RIN3: variants seen among roughly 807,000 people sequenced by gnomAD.
RIN3 encodes the protein RAB5 interacting protein 3.
In RIN3, 54 loss-of-function variants were observed where a neutral mutation model predicts 76.3. That is an observed-to-expected ratio of 0.71 (90% CI 0.57 to 0.89). The LOEUF is 0.89. Among genes scored for constraint, RIN3 ranks in the 40% least tolerant of loss-of-function variants. The pLI, the probability that RIN3 is intolerant of heterozygous loss-of-function variation, is 0.00. For missense variants in RIN3, 1,256 were observed against 1,322.1 expected, an observed-to-expected ratio of 0.95 and a Z score of 0.78; for synonymous variants, 576 against 564.0, an observed-to-expected ratio of 1.02 and a Z score of -0.30.
intron 4 of RIN3, among the ~76,000 whole-genome samples, chr14:92,622,079 A>G (rs563874483): frequency 6.6e-5 from 10 of 152,074 alleles, no homozygotes; most frequent in African/African-American, 2.4e-4. Context: ...AGTGGGATCC[A>G]TGCAACACCA....
intron 3 of RIN3, among the ~76,000 whole-genome samples, chr14:92,578,168 T>G (rs1595430597): frequency 6.9e-6 from 1 of 145,496 alleles, no homozygotes; most frequent in African/African-American, 2.6e-5. Context: ...CCAGGGAGAG[T>G]GAGGCTGCAG....
chr14:92,659,486 GA>G lies in RIN3; in HGVS notation c.2335+18del. 6.3e-7 allele frequency: 1 copy of G among 1,579,338 alleles called. No homozygotes were observed. Among genetic ancestry groups the G allele is most frequent in the South Asian group, 1.2e-5 (1 of 84,600 alleles). ...GCAACCCAGGTCAGTGGGCAGCCGGGAGGGGTCTGGGTGAGGAGCTCTCTTT... is the reference window on the plus strand; with the variant it reads ...GCAACCCAGGTCAGTGGGCAGCCGGGGGGGTCTGGGTGAGGAGCTCTCTTT... On this transcript the variant is annotated intron_variant, in intron 7 of 9. Transcript: ENST00000216487.
intron 8 of RIN3, among the ~76,000 whole-genome samples, chr14:92,680,107 C>CT (rs562703093): frequency 7.7e-4 from 117 of 152,146 alleles, no homozygotes; most frequent in African/African-American, 1.9e-3. Flanking sequence ...CCAGCAGACT[C>CT]AGTGTCTGGT....
chr14:92,545,698 C>T (rs1164305099), intron 1 of RIN3, among the ~76,000 whole-genome samples: 1 of 151,240 alleles, frequency 6.6e-6, no homozygotes, highest in African/African-American at 2.4e-5. Context: ...CCTCCCACCT[C>T]AGCCTCCTGA....
intron 3 of RIN3, among the ~76,000 whole-genome samples, chr14:92,610,579 C>T (rs1885696733): frequency 6.6e-6 from 1 of 152,170 alleles, no homozygotes; most frequent in Admixed American, 6.5e-5. Context: ...CCCTGATGGG[C>T]ATTTTGGGCA....
intron 2 of RIN3, among the ~76,000 whole-genome samples, chr14:92,559,562 A>G (rs140792730): frequency 5.3e-5 from 8 of 152,352 alleles, no homozygotes; most frequent in African/African-American, 1.9e-4. Flanking sequence ...CCATGCACCA[A>G]TATGAACCGT....
intron 6 of RIN3, 103 bp from the exon 7 acceptor site, chr14:92,659,058 C>T (rs1011432756): frequency 9.1e-7 from 1 of 1,096,086 alleles, no homozygotes. Context: ...AGTGTCCTTC[C>T]AGGGGCCAGG....
intron 1 of RIN3, among the ~76,000 whole-genome samples, chr14:92,539,809 C>T (rs1324304117): frequency 6.6e-6 from 1 of 152,124 alleles, no homozygotes; most frequent in Non-Finnish European, 1.5e-5. Flanking sequence ...TTTGCAAGAG[C>T]AGAGCCCAAG....
intron 1 of RIN3, among the ~76,000 whole-genome samples, chr14:92,517,825 G>C (rs1896483538): frequency 6.6e-6 from 1 of 152,206 alleles, no homozygotes; most frequent in South Asian, 2.1e-4. Context: ...CCTTCTGGTG[G>C]TTTGGTTGTT....
chr14:92,555,569 G>C (rs575809655), intron 1 of RIN3, among the ~76,000 whole-genome samples, 182 bp from the exon 2 acceptor site: 3 of 152,066 alleles, frequency 2.0e-5, no homozygotes, highest in Non-Finnish European at 2.9e-5. Flanking sequence ...GTGGGCTGAC[G>C]TGTGTTTCCT....
chr14:92,670,052 G>A (rs1161763052), intron 7 of RIN3, among the ~76,000 whole-genome samples: 1 of 145,340 alleles, frequency 6.9e-6, no homozygotes, highest in African/African-American at 2.6e-5. Flanking sequence ...CATGCCACCA[G>A]ACCCAGCTGA....
At chr14:92,606,806 T>C (rs1416099738) in intron 3 of RIN3, among the ~76,000 whole-genome samples, 1 of 152,170 alleles carries the variant, frequency 6.6e-6, no homozygotes, top group Non-Finnish European at 1.5e-5. Context: ...GGTGGGAATA[T>C]AAAATGGTGC....
rs1896360873 is a variant in RIN3, at chr14:92,513,902, CT to C, written c.-30del. On this transcript the variant is annotated 5_prime_UTR_variant, in exon 1 of 10. Transcript: ENST00000216487. ...TCCGCGCGGCCCGGCGCCTGAGCGC[CT>C]CCGTTCCCCGTCCCGGAGCTGCCGG... 2 of 1,254,336 alleles carry C rather than the reference CT, an allele frequency of 1.6e-6. No individual in the cohort carries two copies. Among genetic ancestry groups the C allele is most frequent in the Non-Finnish European group, 1.0e-6 (1 of 999,408 alleles). The allele number at this position is 1,254,336 out of a possible 1,614,324, so 77.7% of individuals were successfully genotyped here.
chr14:92,667,835 A>G (rs1193249633), intron 7 of RIN3, among the ~76,000 whole-genome samples: 1 of 151,986 alleles, frequency 6.6e-6, no homozygotes, highest in Non-Finnish European at 1.5e-5. Flanking sequence ...AAGACTTCCT[A>G]GGTCTCCCTA....
At chr14:92,678,959 C>G (rs1214497645) in intron 8 of RIN3, among the ~76,000 whole-genome samples, 1 of 152,200 alleles carries the variant, frequency 6.6e-6, no homozygotes, top group African/African-American at 2.4e-5. Context: ...ATCCTTGGGC[C>G]AGCAGCCCTC....
At chr14:92,569,599 T>G (rs1185482381) in intron 2 of RIN3, among the ~76,000 whole-genome samples, 1 of 151,918 alleles carries the variant, frequency 6.6e-6, no homozygotes, top group African/African-American at 2.4e-5. Context: ...TTTTTTTCTT[T>G]CTCTCTTGGA....
At chr14:92,675,934 T>G (rs1375051291) in intron 7 of RIN3, among the ~76,000 whole-genome samples, 1 of 152,130 alleles carries the variant, frequency 6.6e-6, no homozygotes, top group Non-Finnish European at 1.5e-5. Flanking sequence ...GAGATGATAC[T>G]TCGAGGGGTC....
At chr14:92,634,856 T>TA (rs11383121) in intron 4 of RIN3, among the ~76,000 whole-genome samples, 32,723 of 130,072 alleles carry the variant, frequency 0.25, 5,359 homozygotes, top group African/African-American at 0.47. Flanking sequence ...AGACTCTATC[T>TA]AAAAAAAAAA....
chr14:92,598,207 C>T (rs1885218589), intron 3 of RIN3, among the ~76,000 whole-genome samples: 1 of 152,124 alleles, frequency 6.6e-6, no homozygotes, highest in African/African-American at 2.4e-5. Context: ...ACTGGAGAGA[C>T]CATGTGGAGA....
Sources: gnomAD v4.1 joint callset for allele counts (sites outside exome capture counted in the v4.1 genomes callset) on GRCh38, gnomAD v4.1.1 for gene constraint, MANE v1.5 for transcripts, NCBI Gene and HGNC (gene_info 2026-07-23, HGNC 2026-07-21) for gene names.